The following CACNA1S variants were observed in gnomAD, a reference collection of about 807,000 sequenced individuals.
CACNA1S encodes the protein voltage-dependent L-type calcium channel subunit alpha-1S.
CACNA1S carries 126 observed loss-of-function variants against 207.4 expected under a neutral mutation model. The observed-to-expected ratio is 0.61, with a 90% CI of 0.53 to 0.70. CACNA1S has a LOEUF of 0.70. Ranked by LOEUF, CACNA1S falls within the 30% of genes least tolerant of loss-of-function variation. CACNA1S has a pLI of 0.00. For missense variants in CACNA1S, 2,349 were observed against 2,422.8 expected (o/e 0.97, Z 0.64); for synonymous variants, 960 against 932.7 (o/e 1.03, Z -0.53).
In CACNA1S at chr1:201,093,979, C is replaced by T; in HGVS notation, c.301G>A (p.Ala101Thr). 1 of 1,614,234 alleles carries T rather than the reference C, an allele frequency of 6.2e-7. No homozygotes were observed. Among genetic ancestry groups the T allele is most frequent in the Non-Finnish European group, 8.5e-7 (1 of 1,180,046 alleles). ...CCGTAGGCAATGATCTTCATGGCGG[C>T]TTCAATCGAGAAGACAATGAGGAAG... ...YFFLIVFSIE[A>T]AMKIIAYGFL... The change falls in exon 3 of 44, where the codon GCC (alanine) becomes ACC (threonine). Residue 101 changes from alanine to threonine, a missense_variant. Ala to Thr is a moderately conservative substitution (Grantham distance 58). Coordinates refer to ENST00000362061, the MANE Select transcript of CACNA1S (RefSeq NM_000069.3).
intron 5 of CACNA1S, among the ~76,000 whole-genome samples, chr1:201,089,837 TG>T (rs1237619629): frequency 1.3e-5 from 2 of 152,200 alleles, no homozygotes; most frequent in Non-Finnish European, 2.9e-5. Flanking sequence ...AGGGCTCACA[TG>T]TTCTGACTTG....
At chr1:201,076,655 C>T (rs1259617884) in intron 12 of CACNA1S, among the ~76,000 whole-genome samples, 1 of 152,236 alleles carries the variant, frequency 6.6e-6, no homozygotes, top group Non-Finnish European at 1.5e-5. Flanking sequence ...GTCATATTAT[C>T]CTGCAGTAGG....
rs1663154484 is a variant in CACNA1S at position 201,112,271 on chromosome 1, A to G, written c.69T>C (p.Ile23=). The G allele has an allele frequency of 1.2e-6, 2 of 1,613,726 alleles. No homozygotes were observed. The highest frequency in any genetic ancestry group is 1.6e-4 in the Middle Eastern group (1 of 6,082). The part of the protein sequence containing the change: ...KKQPKKPVPE[I]LPRPPRALFC... The stretch of plus-strand genomic sequence containing the variant: ...ACAAGGCCCGGGGTGGCCTTGGCAG[A>G]ATCTCAGGAACTGGCTTCTTGGGCT... The change falls in exon 1 of 44, where the codon ATT becomes ATC. Residue 23 remains isoleucine, a synonymous_variant. Transcript: ENST00000362061.
chr1:201,064,856 A>T lies in CACNA1S; in HGVS notation c.2853+982T>A, dbSNP rs567111373. Among the ~76,000 whole-genome samples, 3 of 152,368 alleles carry T rather than the reference A, an allele frequency of 2.0e-5. 1 individual carries two copies. The highest frequency in any genetic ancestry group is 7.2e-5 in the African/African-American group (3 of 41,588). On this transcript the variant is annotated intron_variant, in intron 22 of 43. Transcript: ENST00000362061. ...GGTTGGCTCCGGATGTGAGATGATG[A>T]ACTCCCAGCCTTAGAGGCTCCTGGT...
chr1:201,062,104 G>A lies in CACNA1S; in HGVS notation c.2907-14C>T. On this transcript the variant is annotated splice_polypyrimidine_tract_variant and intron_variant, in intron 23 of 43. Transcript: ENST00000362061. ...TAGTAGTAGCCCCTGTGGCAGGGAG[G>A]CCCAGTCACTCCACAGGGCATGGCT... The A allele has an allele frequency of 4.3e-6, 7 of 1,612,416 alleles. No homozygotes were observed. Among genetic ancestry groups the A allele is most frequent in the Non-Finnish European group, 5.9e-6 (7 of 1,179,352 alleles).
chr1:201,089,457 A>G lies in CACNA1S; in HGVS notation c.701T>C (p.Val234Ala), dbSNP rs758567447. Residue 234 changes from valine to alanine, a missense_variant, in exon 6 of 44, where the codon GTG (valine) becomes GCG (alanine). Physicochemically the swap from Val to Ala is moderately conservative, Grantham distance 64 (BLOSUM62 0). Coordinates refer to ENST00000362061, the MANE Select transcript of CACNA1S (RefSeq NM_000069.3). ...TGGCTCTTCATTCTCCACCGTGGCC[A>G]CGATATCTGGAGGCAGAAGGCAAAG... ...KTCYFIGTDI[V>A]ATVENEEPSP... 1 of 1,613,900 alleles carries G rather than the reference A, an allele frequency of 6.2e-7. No individual in the cohort carries two copies. Among genetic ancestry groups the G allele is most frequent in the South Asian group, 1.1e-5 (1 of 91,066 alleles).
At chr1:201,067,118 C>G in intron 19 of CACNA1S, 125 bp from the exon 20 acceptor site, 1 of 721,124 alleles carries the variant, frequency 1.4e-6, no homozygotes, top group Non-Finnish European at 2.6e-6. Flanking sequence ...CCAGAAATCT[C>G]TATATTTCAC....
chr1:201,067,762 C>G (rs1661300662), intron 19 of CACNA1S, among the ~76,000 whole-genome samples: 2 of 152,210 alleles, frequency 1.3e-5, no homozygotes, highest in African/African-American at 4.8e-5. Flanking sequence ...TGTCCAACTT[C>G]AAGTTCTGGC....
In CACNA1S at chr1:201,061,251, C is replaced by A; in HGVS notation, c.3255+16G>T. 6.2e-7 allele frequency: 1 copy of A among 1,610,064 alleles called. No homozygotes were observed. Among genetic ancestry groups the A allele is most frequent in the South Asian group, 1.1e-5 (1 of 90,968 alleles). On this transcript the variant is annotated intron_variant, in intron 25 of 43. Transcript: ENST00000362061. ...CTGGAGCTCTGCCCTCCACCTCTGG[C>A]AGGCAGCCCAGGCACCTGGTTCTTG...
chr1:201,056,551 A>T (rs1660852744), intron 28 of CACNA1S, among the ~76,000 whole-genome samples: 1 of 152,254 alleles, frequency 6.6e-6, no homozygotes, highest in Non-Finnish European at 1.5e-5. Flanking sequence ...CAGATCAGCC[A>T]GCCCTTGGGT....
rs752737494 is a variant in CACNA1S, at chr1:201,085,541, T to A, written c.1045A>T (p.Thr349Ser). The A allele has an allele frequency of 1.9e-6, 3 of 1,613,146 alleles. No individual in the cohort carries two copies. The highest frequency in any genetic ancestry group is 2.5e-6 in the Non-Finnish European group (3 of 1,179,864). ...KEREKAKSRG[T>S]FQKLREKQQL... ...TGCTTCTCCCGGAGCTTCTGGAAGG[T>A]TCCCCTGGACTTGGCCTTCTCCCGC... Residue 349 changes from threonine to serine, a missense_variant, in exon 8 of 44, where the codon ACC becomes TCC. Thr to Ser is a moderately conservative substitution (Grantham distance 58). Coordinates refer to ENST00000362061, the MANE Select transcript of CACNA1S (RefSeq NM_000069.3).
chr1:201,047,759 C>T (rs1660516828), intron 36 of CACNA1S, 133 bp from the exon 37 acceptor site: 1 of 723,514 alleles, frequency 1.4e-6, no homozygotes, highest in Admixed American at 2.0e-5. Context: ...TGGCAGCTGC[C>T]TTGCTGGGTA....
chr1:201,039,911 A>T lies in CACNA1S; in HGVS notation c.5542T>A (p.Cys1848Ser). The change falls in exon 44 of 44, where the codon TGC (cysteine) becomes AGC (serine). Residue 1848 changes from cysteine to serine, a missense_variant. Coordinates refer to ENST00000362061, the MANE Select transcript of CACNA1S (RefSeq NM_000069.3). ...APEGMASSLGCLNLGSSLGSL... is the reference protein window; with the variant it reads ...APEGMASSLGSLNLGSSLGSL... ...CCCAGGGAGGACCCGAGGTTCAGGC[A>T]TCCCAGGGAGCTGGCCATGCCCTCT... The T allele has an allele frequency of 6.2e-7, 1 of 1,613,912 alleles. No homozygotes were observed. The highest frequency in any genetic ancestry group is 8.5e-7 in the Non-Finnish European group (1 of 1,180,032).
intron 2 of CACNA1S, among the ~76,000 whole-genome samples, chr1:201,098,053 T>C (rs898443067): frequency 6.6e-6 from 1 of 152,226 alleles, no homozygotes; most frequent in Non-Finnish European, 1.5e-5. Context: ...GATTTGTTTT[T>C]GTTTTTAGCT....
intron 2 of CACNA1S, among the ~76,000 whole-genome samples, chr1:201,097,883 G>A (rs17454870): frequency 0.13 from 20,399 of 152,090 alleles, 1,477 homozygotes; most frequent in Middle Eastern, 0.19. Context: ...AATATTTTGG[G>A]CTCAGGGCTT....
chr1:201,078,476 A>G (rs1287417586), intron 10 of CACNA1S, among the ~76,000 whole-genome samples: 2 of 145,270 alleles, frequency 1.4e-5, no homozygotes, highest in African/African-American at 5.1e-5. Context: ...CTGGGATTAC[A>G]GGTGTGAGCC....
At chr1:201,064,399 G>A (rs190409647) in intron 22 of CACNA1S, among the ~76,000 whole-genome samples, 6 of 152,186 alleles carry the variant, frequency 3.9e-5, no homozygotes, top group Non-Finnish European at 8.8e-5. Flanking sequence ...CCTATTCCCC[G>A]CGAAGATTCT....
chr1:201,041,475 A>G (rs1298174975), intron 41 of CACNA1S, 29 bp downstream of exon 41: 8 of 1,569,206 alleles, frequency 5.1e-6, no homozygotes, highest in East Asian at 2.2e-5. Flanking sequence ...AGAAGACTCA[A>G]GCTTCTTAGA....
chr1:201,040,230 C>A lies in CACNA1S; in HGVS notation c.5370+1G>T. On this transcript the variant is annotated splice_donor_variant, in intron 43 of 43. Transcript: ENST00000362061. LOFTEE classifies it high-confidence loss of function. ...CTGCTGTGACCCAGCCCCTGGCTCA[C>A]CTTTTGGATCAGCAGGGCTGTAGCT... 1 of 1,613,432 alleles carries A rather than the reference C, an allele frequency of 6.2e-7. No individual in the cohort carries two copies. The highest frequency in any genetic ancestry group is 8.5e-7 in the Non-Finnish European group (1 of 1,180,024).
Sources: gnomAD v4.1 joint callset for allele counts (sites outside exome capture counted in the v4.1 genomes callset) on GRCh38, gnomAD v4.1.1 for gene constraint, MANE v1.5 for transcripts, NCBI Gene and HGNC (gene_info 2026-07-23, HGNC 2026-07-21) for gene names.